The following CEP57 variants were observed in gnomAD, a reference collection of about 807,000 sequenced individuals.
CEP57 encodes the protein centrosomal protein of 57 kDa.
A neutral mutation model predicts 68.0 loss-of-function variants in CEP57; 40 were observed. The ratio of observed to expected loss-of-function variants is 0.59; its 90% CI spans 0.46 to 0.77. The LOEUF is 0.77. CEP57 is among the 30% of genes least tolerant of loss of function. The probability of loss-of-function intolerance (pLI) is 0.00; values close to 1 mark genes in which losing one functional copy is unlikely to be tolerated. For synonymous variants in CEP57, 219 were observed against 198.7 expected, an observed-to-expected ratio of 1.10 and a Z score of -0.86; for missense variants, 606 against 580.7, an observed-to-expected ratio of 1.04 and a Z score of -0.45.
At chr11:95,822,332 T>C in intron 7 of CEP57, 167 bp from the exon 8 acceptor site, 2 of 630,254 alleles carry the variant, frequency 3.2e-6, no homozygotes, top group South Asian at 3.8e-5. Flanking sequence ...TAGGCTAGGA[T>C]ATATGCTAAC....
rs560511420 is a variant in CEP57, at chr11:95,816,233, A to G, written c.505-1554A>G. Reference sequence around the variant, plus strand: ...GGGAAGTGCAGAGCAAGGTGGGGAAAAGCCCCTATTAAAACCATCAGATCT... The same window carrying G: ...GGGAAGTGCAGAGCAAGGTGGGGAAGAGCCCCTATTAAAACCATCAGATCT... On this transcript the variant is annotated intron_variant, in intron 4 of 10. Transcript: ENST00000325542. Among the ~76,000 whole-genome samples the G allele has an allele frequency of 5.3e-5, 8 of 152,196 alleles. No homozygotes were observed. In the South Asian group the frequency reaches 1.7e-3, roughly 32 times the overall value.
intron 1 of CEP57, among the ~76,000 whole-genome samples, chr11:95,791,210 C>A (rs1192966173): frequency 6.6e-6 from 1 of 152,176 alleles, no homozygotes; most frequent in African/African-American, 2.4e-5. Context: ...TGTTTCCTAT[C>A]CCTGCAGTGC....
chr11:95,813,292 A>G (rs1291211688), intron 3 of CEP57, among the ~76,000 whole-genome samples, 176 bp from the exon 4 acceptor site: 3 of 152,228 alleles, frequency 2.0e-5, no homozygotes, highest in Non-Finnish European at 4.4e-5. Flanking sequence ...TATTTACTGA[A>G]TGCAAGGCCA....
rs557842109 is a variant in CEP57, at chr11:95,795,401, C to A, written c.46-3831C>A. On this transcript the variant is annotated intron_variant, in intron 1 of 10. Coordinates refer to ENST00000325542, the MANE Select transcript of CEP57 (RefSeq NM_014679.5). ...CATATCTATTTTACTCAGCAATCTT[C>A]CAGACTTAATTCTCATAATTGAGGA... is the stretch of plus-strand genomic sequence containing the variant. 2.5e-5 allele frequency: 10 copies of A among 394,056 alleles called. No individual in the cohort carries two copies. The East Asian group carries it at 3.6e-4, about 14-fold the overall frequency. 24.4% of individuals were successfully genotyped at this position (394,056 alleles called of 1,614,324 possible).
rs955729961 is a variant in CEP57 at position 95,797,827 on chromosome 11, C to T, written c.46-1405C>T. On this transcript the variant is annotated intron_variant, in intron 1 of 10. Transcript: ENST00000325542. ...TAATCACATAGTTAATGGGATTCCC[C>T]TGACTGGGCAGAGGGTGGTCGGCAA... 3.3e-5 allele frequency among the ~76,000 whole-genome samples: 5 copies of T among 152,124 alleles called. No homozygotes were observed. The East Asian group carries it at 9.6e-4, about 29-fold the overall frequency.
intron 1 of CEP57, among the ~76,000 whole-genome samples, chr11:95,795,108 T>G (rs1396899528): frequency 6.6e-6 from 1 of 152,208 alleles, no homozygotes; most frequent in East Asian, 1.9e-4. Flanking sequence ...CCTTTGCTTT[T>G]CTTCAGTAGA....
intron 4 of CEP57, among the ~76,000 whole-genome samples, chr11:95,814,167 C>T (rs1304972753): frequency 1.3e-5 from 2 of 152,162 alleles, no homozygotes; most frequent in African/African-American, 4.8e-5. Flanking sequence ...ATTCTCATGC[C>T]TCATCCTCCC....
intron 10 of CEP57, 142 bp downstream of exon 10, chr11:95,829,473 G>A: frequency 2.2e-6 from 2 of 901,406 alleles, no homozygotes; most frequent in South Asian, 2.9e-5. Flanking sequence ...TTTGTTCATT[G>A]AGAATTGGTA....
At chr11:95,826,275 GA>G (rs1862739289) in intron 8 of CEP57, 2 of 152,024 alleles carry the variant, frequency 1.3e-5, no homozygotes, top group Non-Finnish European at 2.9e-5. Context: ...TTTACTTTTA[GA>G]ATATTGCTTA....
rs749224682 is a variant in CEP57, at chr11:95,817,787, G to T, written c.505G>T (p.Val169Phe). Residue 169 changes from valine to phenylalanine, a missense_variant and splice_region_variant, in exon 5 of 11, where the codon GTT becomes TTT. By Grantham distance (50) the Val-to-Phe change is conservative. Transcript: ENST00000325542. Reference sequence around the variant, plus strand: ...AGCCGTATTGAATATTGTTTTTCAGGTTTCCCTAGAAAGAGAACGACAACA... The same window carrying T: ...AGCCGTATTGAATATTGTTTTTCAGTTTTCCCTAGAAAGAGAACGACAACA... ...MERTSVLEKQ[V>F]SLERERQHDQ... 1 of 1,603,252 alleles carries T rather than the reference G, an allele frequency of 6.2e-7. No homozygotes were observed. The highest frequency in any genetic ancestry group is 1.1e-5 in the South Asian group (1 of 90,862).
chr11:95,830,123 A>G (rs956568966), intron 10 of CEP57, among the ~76,000 whole-genome samples: 8 of 152,204 alleles, frequency 5.3e-5, no homozygotes, highest in Admixed American at 3.3e-4. Context: ...TGCTCTGAGT[A>G]TATCTTCTCA....
intron 10 of CEP57, 48 bp downstream of exon 10, chr11:95,829,379 A>AG: frequency 1.3e-6 from 2 of 1,563,990 alleles, no homozygotes; most frequent in East Asian, 2.2e-5. Flanking sequence ...AAGAAAAAAA[A>AG]AACACTTTAA....
At chr11:95,798,539 C>CT (rs1489737339) in intron 1 of CEP57, among the ~76,000 whole-genome samples, 1 of 152,190 alleles carries the variant, frequency 6.6e-6, no homozygotes, top group Non-Finnish European at 1.5e-5. Flanking sequence ...CCCTCAGCTT[C>CT]TTAGTTACTT....
chr11:95,824,182 ACTGTAGTAAG>A, intron 8 of CEP57, among the ~76,000 whole-genome samples: 1 of 151,758 alleles, frequency 6.6e-6, no homozygotes, highest in Admixed American at 6.6e-5. Flanking sequence ...GGAGTTCGAG[ACTGTAGTAAG>A]CGATGATGGC....
intron 8 of CEP57, chr11:95,826,949 G>T (rs1848566028): frequency 6.6e-6 from 1 of 152,216 alleles, no homozygotes; most frequent in Non-Finnish European, 1.5e-5. Context: ...GTTTAGCTTA[G>T]CATGGTGGTT....
In CEP57 at chr11:95,790,662, C is replaced by A. The variant is rs754301318; in HGVS notation, c.-37C>A. The A allele has an allele frequency of 8.1e-6, 13 of 1,610,324 alleles. No individual in the cohort carries two copies. In the East Asian group the frequency reaches 1.6e-4, roughly 19 times the overall value. ...GAGAAGAGCACGAGAACCTAGACCG[C>A]CCCCGAAGTGCGGAGACCCCCTGGG... On this transcript the variant is annotated 5_prime_UTR_variant, in exon 1 of 11. Coordinates refer to ENST00000325542, the MANE Select transcript of CEP57 (RefSeq NM_014679.5).
chr11:95,792,222 G>A (rs1647374840), intron 1 of CEP57, among the ~76,000 whole-genome samples: 1 of 152,194 alleles, frequency 6.6e-6, no homozygotes, highest in South Asian at 2.1e-4. Context: ...ACTATTGGAA[G>A]TGTCAGCAGA....
chr11:95,795,804 A>G (rs1861319035), intron 1 of CEP57, among the ~76,000 whole-genome samples: 1 of 152,122 alleles, frequency 6.6e-6, no homozygotes, highest in East Asian at 1.9e-4. Context: ...ATGTTCCTCC[A>G]CCATTGGACC....
At chr11:95,790,152 T>C (rs780479039), upstream of CEP57, 39 of 170,654 alleles carry the variant, frequency 2.3e-4, no homozygotes, top group Non-Finnish European at 4.5e-4. Context: ...GGTAAATACT[T>C]CACCTGGAGA....
Sources: allele counts gnomAD v4.1 joint callset (sites outside exome capture counted in the v4.1 genomes callset), GRCh38; gene constraint gnomAD v4.1.1; transcripts MANE v1.5; gene names NCBI Gene and HGNC (gene_info 2026-07-23, HGNC 2026-07-21).